STX16: variants seen among roughly 807,000 people sequenced by gnomAD.
STX16 encodes the protein syntaxin 16.
A neutral mutation model predicts 42.7 loss-of-function variants in STX16; 28 were observed. That is an observed-to-expected ratio of 0.66 (90% CI 0.49 to 0.90). The LOEUF is 0.90. Ranked by LOEUF, STX16 falls within the 40% of genes least tolerant of loss-of-function variation. STX16 has a pLI of 0.00. For synonymous variants in STX16, 156 were observed against 155.2 expected, an observed-to-expected ratio of 1.00 and a Z score of -0.04; for missense variants, 361 against 420.9, an observed-to-expected ratio of 0.86 and a Z score of 1.24.
rs745933148 is a variant in STX16 at position 58,679,335 on chromosome 20, C to T, written c.*3044C>T. On this transcript the variant is annotated 3_prime_UTR_variant, in exon 9 of 9. Coordinates refer to ENST00000371141, the MANE Select transcript of STX16 (RefSeq NM_001001433.3). ...TAATGGCTTCTTAAAGGTAATAAAA[C>T]CCTTCCAACGTAATTGGTCAGATAA... is the stretch of plus-strand genomic sequence containing the variant. 31 of 152,608 alleles carry T rather than the reference C, an allele frequency of 2.0e-4. No homozygotes were observed. Among genetic ancestry groups the T allele is most frequent in the Non-Finnish European group, 3.4e-4 (23 of 68,034 alleles). The allele number at this position is 152,608 out of a possible 1,614,324, so 9.5% of individuals were successfully genotyped here.
chr20:58,672,338 A>G (rs972066565), intron 7 of STX16, among the ~76,000 whole-genome samples: 41 of 150,210 alleles, frequency 2.7e-4, no homozygotes, highest in African/African-American at 9.8e-4. Context: ...GTCTCAAAAA[A>G]TATATATATA....
rs1202995682 is a variant in STX16 at position 58,678,185 on chromosome 20, C to T, written c.*1894C>T. 1 of 152,194 alleles carries T rather than the reference C, an allele frequency of 6.6e-6. No individual in the cohort carries two copies. Among genetic ancestry groups the T allele is most frequent in the African/African-American group, 2.4e-5 (1 of 41,448 alleles). 9.4% of individuals were successfully genotyped at this position (152,194 alleles called of 1,614,324 possible). ...TCAAAAACAGTCCACAGTGGCAATA[C>T]CGGACTTCTGTTCAAGCTTTTTAAA... is the stretch of plus-strand genomic sequence containing the variant. On this transcript the variant is annotated 3_prime_UTR_variant, in exon 9 of 9. Coordinates refer to ENST00000371141, the MANE Select transcript of STX16 (RefSeq NM_001001433.3).
intron 1 of STX16, 55 bp downstream of exon 1, chr20:58,652,193 CTGTT>C: frequency 6.2e-7 from 1 of 1,606,458 alleles, no homozygotes; most frequent in Non-Finnish European, 8.5e-7. Flanking sequence ...GCGGCTCTGC[CTGTT>C]TGTCTGTCTC....
intron 2 of STX16, among the ~76,000 whole-genome samples, chr20:58,662,140 G>T (rs553607839): frequency 1.3e-5 from 2 of 149,894 alleles, no homozygotes; most frequent in African/African-American, 5.1e-5. Flanking sequence ...TTATGACAAA[G>T]AAATCTCTGG....
At chr20:58,652,318 T>A (rs983021678) in intron 1 of STX16, 180 bp downstream of exon 1, 2 of 869,512 alleles carry the variant, frequency 2.3e-6, no homozygotes, top group Non-Finnish European at 1.8e-6. Flanking sequence ...GAAGAAGCGG[T>A]GCTGTGAGGC....
chr20:58,663,081 T>C (rs929288134), intron 2 of STX16, among the ~76,000 whole-genome samples: 3 of 152,208 alleles, frequency 2.0e-5, no homozygotes, highest in African/African-American at 7.2e-5. Flanking sequence ...CTGTTGATTT[T>C]CAGTGTCCCT....
chr20:58,672,810 C>T (rs13038052), intron 7 of STX16, among the ~76,000 whole-genome samples: 4 of 152,078 alleles, frequency 2.6e-5, no homozygotes, highest in African/African-American at 7.2e-5. Flanking sequence ...GAACCACTAG[C>T]GTTCAAGTAG....
chr20:58,659,621 A>G lies in STX16; in HGVS notation c.133-2A>G, dbSNP rs765516618. ...ACTGATGGGGACAACATGTCTCTTC[A>G]GGAGCTGGACGAGGTATTGTGTTTT... On this transcript the variant is annotated splice_acceptor_variant, in intron 1 of 8. Transcript: ENST00000371141. LOFTEE classifies it high-confidence loss of function. 17 of 1,612,746 alleles carry G rather than the reference A, an allele frequency of 1.1e-5. No homozygotes were observed. Among genetic ancestry groups the G allele is most frequent in the African/African-American group, 1.3e-5 (1 of 74,854 alleles).
intron 1 of STX16, 59 bp downstream of exon 1, chr20:58,652,197 T>C (rs568644922): frequency 1.6e-5 from 26 of 1,605,694 alleles, no homozygotes; most frequent in Middle Eastern, 1.7e-4. Flanking sequence ...CTCTGCCTGT[T>C]TGTCTGTCTC....
chr20:58,669,284 C>T lies in STX16; in HGVS notation c.394-7C>T, dbSNP rs533111939. The T allele has an allele frequency of 3.7e-4, 590 of 1,609,642 alleles. 13 individuals carry two copies. The South Asian group carries it at 5.9e-3, about 16-fold the overall frequency. On this transcript the variant is annotated splice_region_variant and splice_polypyrimidine_tract_variant and intron_variant, in intron 4 of 8. Coordinates refer to ENST00000371141, the MANE Select transcript of STX16 (RefSeq NM_001001433.3). ...GCTTGCCCTGAGCCTCGGGCTTGTTCTCTTAGCTCTTCCACAGGTGCCAGC... is the reference window on the plus strand; with the variant it reads ...GCTTGCCCTGAGCCTCGGGCTTGTTTTCTTAGCTCTTCCACAGGTGCCAGC...
chr20:58,662,563 T>C (rs1206278192), intron 2 of STX16, among the ~76,000 whole-genome samples: 1 of 152,216 alleles, frequency 6.6e-6, no homozygotes. Context: ...CAGGCTAGAG[T>C]GCAGTGGCGC....
At chr20:58,674,311 T>C (rs1198295548) in intron 8 of STX16, among the ~76,000 whole-genome samples, 2 of 152,206 alleles carry the variant, frequency 1.3e-5, no homozygotes, top group African/African-American at 4.8e-5. Context: ...TTTAAAAAAA[T>C]AGATGGAAAG....
chr20:58,670,523 C>T lies in STX16; in HGVS notation c.568C>T (p.Arg190Ter), dbSNP rs752519983. The T allele has an allele frequency of 6.2e-7, 1 of 1,613,634 alleles. No homozygotes were observed. The highest frequency in any genetic ancestry group is 1.1e-5 in the South Asian group (1 of 91,052). ...CCTATCTGTGATAGGCATGAAGAAT[C>T]GAGAGGAAAGATCCCAGCATTTTTT... ...QSGYLKRMKN[R>*]EERSQHFFDT... is the part of the protein sequence containing the mutation. The change falls in exon 6 of 9, where the codon CGA (arginine) becomes TGA (stop). Residue 190 changes from arginine to a stop codon, truncating the protein, a stop_gained. Transcript: ENST00000371141. LOFTEE classifies it high-confidence loss of function.
At chr20:58,662,841 GTATT>G (rs1462394269) in intron 2 of STX16, among the ~76,000 whole-genome samples, 1 of 152,134 alleles carries the variant, frequency 6.6e-6, no homozygotes, top group Non-Finnish European at 1.5e-5. Flanking sequence ...CATTTTAAAA[GTATT>G]TATTTTGACC....
In STX16 at chr20:58,669,402, C is replaced by G; in HGVS notation, c.505C>G (p.Leu169Val). ...GNVVASLAQA[L>V]QELSTSFRHA... ...CGTGGTGGCCTCGCTGGCGCAGGCC[C>G]TGCAGGAACTCTCCACCAGCTTCCG... is the stretch of plus-strand genomic sequence containing the variant. Residue 169 changes from leucine (L) to valine (V), a missense_variant, in exon 5 of 9, where the codon CTG becomes GTG. Physicochemically the swap from Leu to Val is conservative, Grantham distance 32. Transcript: ENST00000371141. The G allele has an allele frequency of 1.2e-6, 2 of 1,612,454 alleles. No individual in the cohort carries two copies. Among genetic ancestry groups the G allele is most frequent in the African/African-American group, 1.3e-5 (1 of 75,010 alleles).
intron 1 of STX16, among the ~76,000 whole-genome samples, 169 bp from the exon 2 acceptor site, chr20:58,659,454 A>G (rs1014032876): frequency 1.3e-5 from 2 of 151,254 alleles, no homozygotes; most frequent in Non-Finnish European, 3.0e-5. Flanking sequence ...ATTTAAAAAA[A>G]AAAAAGGAGA....
intron 2 of STX16, among the ~76,000 whole-genome samples, chr20:58,662,254 G>A (rs1344991232): frequency 5.3e-5 from 8 of 152,196 alleles, no homozygotes. Flanking sequence ...TGCCTGGGCC[G>A]GGCCCCAGTG....
In STX16 at chr20:58,676,181, T is replaced by A. The variant is rs1031551176; in HGVS notation, c.874-6T>A. On this transcript the variant is annotated splice_region_variant and splice_polypyrimidine_tract_variant and intron_variant, in intron 8 of 8. Coordinates refer to ENST00000371141, the MANE Select transcript of STX16 (RefSeq NM_001001433.3). ...TGACGGCCTTTTTTCCCTCCTCTTT[T>A]TGTAGGCAGAACAGTATCAAAAGAA... 15 of 1,612,992 alleles carry A rather than the reference T, an allele frequency of 9.3e-6. No homozygotes were observed. Among genetic ancestry groups the A allele is most frequent in the East Asian group, 2.2e-5 (1 of 44,888 alleles).
chr20:58,658,977 T>G (rs140879738), intron 1 of STX16, among the ~76,000 whole-genome samples: 5 of 152,356 alleles, frequency 3.3e-5, no homozygotes, highest in East Asian at 3.9e-4. Context: ...TCTTTTATTT[T>G]GCCACCTGTG....
Sources: gnomAD v4.1 joint callset for allele counts (sites outside exome capture counted in the v4.1 genomes callset) on GRCh38, gnomAD v4.1.1 for gene constraint, MANE v1.5 for transcripts, NCBI Gene and HGNC (gene_info 2026-07-23, HGNC 2026-07-21) for gene names.